ANKMY1: variants seen among roughly 807,000 people sequenced by gnomAD.
ANKMY1 encodes the protein ankyrin repeat and MYND domain-containing protein 1.
ANKMY1 carries 98 observed loss-of-function variants against 102.0 expected under a neutral mutation model. The ratio of observed to expected loss-of-function variants is 0.96; its 90% confidence interval spans 0.82 to 1.14. The LOEUF (loss-of-function observed/expected upper bound fraction) is 1.14. Among genes scored for constraint, ANKMY1 ranks in the 50% most tolerant of loss-of-function variants. The pLI, the probability that ANKMY1 is intolerant of heterozygous loss-of-function variation, is 0.00. For missense variants in ANKMY1, 1,330 were observed against 1,347.6 expected, an observed-to-expected ratio of 0.99 and a Z score of 0.20; for synonymous variants, 582 against 559.9, an observed-to-expected ratio of 1.04 and a Z score of -0.56.
chr2:240,513,990 C>T (rs936081288), intron 9 of ANKMY1, among the ~76,000 whole-genome samples: 2 of 152,252 alleles, frequency 1.3e-5, no homozygotes, highest in African/African-American at 4.8e-5. Context: ...ATGGGCAGCC[C>T]GCTGCTCCAT....
intron 13 of ANKMY1, among the ~76,000 whole-genome samples, chr2:240,507,239 G>A (rs898788692): frequency 3.3e-5 from 5 of 151,960 alleles, no homozygotes; most frequent in South Asian, 2.1e-4. Flanking sequence ...CCCACCGCCC[G>A]CCAGGAATGA....
At chr2:240,530,684 A>G (rs1280654925) in intron 4 of ANKMY1, among the ~76,000 whole-genome samples, 5 of 152,162 alleles carry the variant, frequency 3.3e-5, no homozygotes, top group South Asian at 4.1e-4. Flanking sequence ...CACCCGCCTG[A>G]GCATCCAAAA....
chr2:240,544,851 G>A lies in ANKMY1; in HGVS notation c.480+8063C>T, dbSNP rs187118244. On this transcript the variant is annotated intron_variant, in intron 4 of 17. Transcript: ENST00000401804. Reference sequence around the variant, plus strand: ...GATTACATCCCGCACCTGGCTCGGAGGGTCCTACGCCCACGGAGTCTCGCT... The same window carrying A: ...GATTACATCCCGCACCTGGCTCGGAAGGTCCTACGCCCACGGAGTCTCGCT... 9.0e-3 allele frequency among the ~76,000 whole-genome samples: 1,376 copies of A among 152,372 alleles called. 9 individuals carry two copies. Among genetic ancestry groups the A allele is most frequent in the African/African-American group, 0.031 (1,309 of 41,584 alleles).
chr2:240,498,077 AC>A (rs58160816), intron 15 of ANKMY1, among the ~76,000 whole-genome samples: 50,557 of 151,962 alleles, frequency 0.33, 9,723 homozygotes, highest in East Asian at 0.71. Context: ...CCTTGCAGGA[AC>A]CCTGGCCAGG....
At chr2:240,507,736 C>T (rs1431934964) in intron 12 of ANKMY1, 45 bp from the exon 13 acceptor site, 3 of 1,548,650 alleles carry the variant, frequency 1.9e-6, no homozygotes, top group East Asian at 2.3e-5. Context: ...CATGTCACTT[C>T]CCCTGACAGA....
chr2:240,492,869 TA>T (rs1374712793), intron 15 of ANKMY1, among the ~76,000 whole-genome samples: 7 of 152,154 alleles, frequency 4.6e-5, no homozygotes, highest in African/African-American at 1.7e-4. Flanking sequence ...TTTTGTACTT[TA>T]GTAGAGACAA....
chr2:240,473,478 CAA>C, the ANKMY1 span, among the ~76,000 whole-genome samples: 1 of 135,076 alleles, frequency 7.4e-6, no homozygotes. Flanking sequence ...ACCAATTAAC[CAA>C]AAAAAAAAAA....
In ANKMY1 at chr2:240,524,098, T is replaced by C. The variant is rs3796118; in HGVS notation, c.1619A>G (p.Asp540Gly). 3.7e-6 allele frequency: 6 copies of C among 1,613,926 alleles called. No individual in the cohort carries two copies. The highest frequency in any genetic ancestry group is 5.1e-6 in the Non-Finnish European group (6 of 1,180,044). The change falls in exon 8 of 18, where the codon GAC becomes GGC. Residue 540 changes from aspartate (D) to glycine (G), a missense_variant. By Grantham distance (94) the Asp-to-Gly change is moderately conservative. Transcript: ENST00000401804. Reference sequence around the variant, plus strand: ...GCCCCGGTCTGTGTTTCCCAACACGTCCTCAAGCCCGCTTTCCACATGGCC... The same window carrying C: ...GCCCCGGTCTGTGTTTCCCAACACGCCCTCAAGCCCGCTTTCCACATGGCC... ...SLGHVESGLE[D>G]VLGNTDRGSL... is the part of the protein sequence containing the mutation.
In ANKMY1 at chr2:240,553,199, G is replaced by A. The variant is rs114970203; in HGVS notation, c.337-142C>T. The stretch of plus-strand genomic sequence containing the variant: ...CAGAACTCAGGGATGCCTGGCATGC[G>A]ACTATTAGAGTCGGCAACTGAAGCA... On this transcript the variant is annotated intron_variant, in intron 3 of 17. Transcript: ENST00000401804. 2.9e-3 allele frequency: 2,898 copies of A among 999,172 alleles called. 63 individuals are homozygous for A. The African/African-American group carries it at 0.042, about 15-fold the overall frequency. The allele number at this position is 999,172 out of a possible 1,614,324, so 61.9% of individuals were successfully genotyped here.
chr2:240,554,882 G>C lies in ANKMY1; in HGVS notation c.320C>G (p.Ser107Cys). The stretch of plus-strand genomic sequence containing the variant: ...AGCAGTTACCTCGCCTGTGGGCCAA[G>C]AGAATTTGCCATATCCAAGCTTCAT... ...LNMKLGYGKFSWPTGESYHGQ... is the reference protein window; with the variant it reads ...LNMKLGYGKFCWPTGESYHGQ... Residue 107 changes from serine (S) to cysteine (C), a missense_variant, in exon 3 of 18, where the codon TCT (serine) becomes TGT (cysteine). By Grantham distance (112) the Ser-to-Cys change is moderately radical (BLOSUM62 -1). Coordinates refer to ENST00000401804, the MANE Select transcript of ANKMY1 (RefSeq NM_001282771.3). 9 of 1,614,156 alleles carry C rather than the reference G, an allele frequency of 5.6e-6. No individual in the cohort carries two copies. Among genetic ancestry groups the C allele is most frequent in the Non-Finnish European group, 7.6e-6 (9 of 1,180,010 alleles).
Position 240,526,366 on chromosome 2 carries a change from T to G in ANKMY1, c.1033A>C (p.Lys345Gln). 6.2e-7 allele frequency: 1 copy of G among 1,614,248 alleles called. No individual in the cohort carries two copies. Among genetic ancestry groups the G allele is most frequent in the Non-Finnish European group, 8.5e-7 (1 of 1,180,040 alleles). Residue 345 changes from lysine (K) to glutamine (Q), a missense_variant, in exon 6 of 18, where the codon AAA becomes CAA. By Grantham distance (53) the Lys-to-Gln change is moderately conservative. Coordinates refer to ENST00000401804, the MANE Select transcript of ANKMY1 (RefSeq NM_001282771.3). ...ATCATCTCCATGGAAAGTTGCTCTT[T>G]GGGCCCACAGGGTGCAAAGCCACTG... ...KRSGFAPCGP[K>Q]EQLSMEMILK...
At chr2:240,503,717 C>T (rs2078600304) in intron 13 of ANKMY1, among the ~76,000 whole-genome samples, 1 of 152,150 alleles carries the variant, frequency 6.6e-6, no homozygotes, top group African/African-American at 2.4e-5. Flanking sequence ...ACGCCGAAGC[C>T]ATGTGTGGTG....
chr2:240,512,134 G>A, intron 10 of ANKMY1, 133 bp from the exon 11 acceptor site: 1 of 1,141,912 alleles, frequency 8.8e-7, no homozygotes, highest in Middle Eastern at 2.1e-4. Context: ...CTTGAAGGCG[G>A]ATGCCTGACT....
intron 4 of ANKMY1, among the ~76,000 whole-genome samples, chr2:240,538,316 C>T (rs1358065429): frequency 2.0e-5 from 3 of 152,052 alleles, no homozygotes; most frequent in Non-Finnish European, 4.4e-5. Context: ...CTGCGAGCGG[C>T]GCTCAGGGGC....
chr2:240,505,758 A>T (rs1347582595), intron 13 of ANKMY1, among the ~76,000 whole-genome samples: 1 of 152,192 alleles, frequency 6.6e-6, no homozygotes, highest in African/African-American at 2.4e-5. Flanking sequence ...TAATGAAATA[A>T]AGAAGTCGAA....
intron 16 of ANKMY1, among the ~76,000 whole-genome samples, chr2:240,481,322 C>T (rs1346153851): frequency 2.0e-5 from 3 of 152,204 alleles, no homozygotes; most frequent in Admixed American, 6.5e-5. Flanking sequence ...CAACACATTC[C>T]GAGCTCTGGG....
At chr2:240,483,456 C>G (rs1483170034) in intron 15 of ANKMY1, among the ~76,000 whole-genome samples, 1 of 152,148 alleles carries the variant, frequency 6.6e-6, no homozygotes, top group Non-Finnish European at 1.5e-5. Flanking sequence ...CGCATCTGGC[C>G]TGTATTATTT....
At chr2:240,473,973 T>A in the ANKMY1 span, among the ~76,000 whole-genome samples, 1 of 152,186 alleles carries the variant, frequency 6.6e-6, no homozygotes, top group African/African-American at 2.4e-5. Context: ...GGGTGCCCAC[T>A]TTCACCACTT....
chr2:240,531,158 A>C (rs1458363697), intron 4 of ANKMY1, among the ~76,000 whole-genome samples: 1 of 152,236 alleles, frequency 6.6e-6, no homozygotes, highest in Non-Finnish European at 1.5e-5. Flanking sequence ...ATCATTAGTC[A>C]CTGGAGCACT....
Sources: allele counts gnomAD v4.1 joint callset (sites outside exome capture counted in the v4.1 genomes callset), GRCh38; gene constraint gnomAD v4.1.1; transcripts MANE v1.5; gene names NCBI Gene and HGNC (gene_info 2026-07-23, HGNC 2026-07-21).